Variants in TIAM1 observed in about 807,000 individuals in gnomAD.
TIAM1 encodes the protein TIAM Rac1 associated GEF 1.
In TIAM1, 65 loss-of-function variants were observed where a neutral mutation model predicts 163.5. The observed-to-expected ratio is 0.40, with a 90% CI of 0.33 to 0.49. TIAM1 has a LOEUF of 0.49. TIAM1 is among the 20% of genes least tolerant of loss of function. The probability of loss-of-function intolerance (pLI) is 0.77; values close to 1 mark genes in which losing one functional copy is unlikely to be tolerated. For missense variants in TIAM1, 1,789 were observed against 2,044.7 expected (o/e 0.87, Z 2.41); for synonymous variants, 833 against 810.1 (o/e 1.03, Z -0.48).
At chr21:31,405,089 T>C (rs912068481) in intron 2 of TIAM1, among the ~76,000 whole-genome samples, 1 of 151,364 alleles carries the variant, frequency 6.6e-6, no homozygotes, top group Non-Finnish European at 1.5e-5. Context: ...TACACAGAAA[T>C]AAAAAAATTA....
intron 1 of TIAM1, among the ~76,000 whole-genome samples, chr21:31,547,834 C>G (rs1283037339): frequency 6.6e-6 from 1 of 152,152 alleles, no homozygotes; most frequent in Non-Finnish European, 1.5e-5. Context: ...TTAACCATAA[C>G]AGATTTGAGG....
At chr21:31,380,705 T>C (rs978645304) in intron 2 of TIAM1, among the ~76,000 whole-genome samples, 3 of 152,202 alleles carry the variant, frequency 2.0e-5, no homozygotes, top group African/African-American at 7.2e-5. Context: ...ATTACCACAG[T>C]ATAAAGAAAA....
At chr21:31,442,064 T>TAAAAAAAAAAAAAAAAAAAAAAA (rs1250832519) in intron 2 of TIAM1, among the ~76,000 whole-genome samples, 1 of 84,672 alleles carries the variant, frequency 1.2e-5, no homozygotes, top group African/African-American at 5.1e-5. Flanking sequence ...TCAGAACAAA[T>TAAAAAAAAAAAAAAAAAAAAAAA]AAATAAATAT....
chr21:31,146,905 G>A lies in TIAM1; in HGVS notation c.3465C>T (p.Val1155=). ...CCTCAGAGGCCTTACCTTTCACCAG[G>A]ACCTTGGGAACTTTTGTGTGGCTGG... ...FCASHTKVPK[V]LVKAKTDTAF... Residue 1155 remains valine, a synonymous_variant, in exon 20 of 28, where the codon GTC becomes GTT. Transcript: ENST00000541036. The A allele has an allele frequency of 6.2e-7, 1 of 1,613,874 alleles. No homozygotes were observed. Among genetic ancestry groups the A allele is most frequent in the Non-Finnish European group, 8.5e-7 (1 of 1,179,880 alleles).
At chr21:31,195,095 CA>C in intron 13 of TIAM1, 128 bp downstream of exon 13, 1 of 628,684 alleles carries the variant, frequency 1.6e-6, no homozygotes, top group Non-Finnish European at 2.7e-6. Flanking sequence ...CTGCCCTCCA[CA>C]GAGCAGGAGC....
At chr21:31,380,344 G>A (rs1320851844) in intron 2 of TIAM1, among the ~76,000 whole-genome samples, 1 of 152,178 alleles carries the variant, frequency 6.6e-6, no homozygotes, top group Non-Finnish European at 1.5e-5. Context: ...AGGAGTTCGA[G>A]ACCAGCCTGT....
intron 6 of TIAM1, among the ~76,000 whole-genome samples, chr21:31,236,344 C>T (rs1384604468): frequency 3.9e-5 from 6 of 152,128 alleles, no homozygotes; most frequent in Non-Finnish European, 5.9e-5. Flanking sequence ...ATGCCAAAAT[C>T]AAAGGTAAAT....
intron 22 of TIAM1, among the ~76,000 whole-genome samples, chr21:31,137,049 T>C (rs1474198574): frequency 6.6e-6 from 1 of 152,234 alleles, no homozygotes; most frequent in East Asian, 1.9e-4. Context: ...TGCAGAGCCA[T>C]CTAGACACGA....
At chr21:31,398,852 C>T (rs1602185371) in intron 2 of TIAM1, among the ~76,000 whole-genome samples, 1 of 152,186 alleles carries the variant, frequency 6.6e-6, no homozygotes, top group Non-Finnish European at 1.5e-5. Flanking sequence ...TCTCTTATCA[C>T]CCAGGCTCTG....
In TIAM1 at chr21:31,182,455, G is replaced by C. The variant is rs371588237; in HGVS notation, c.2853C>G (p.Gly951=). The C allele has an allele frequency of 5.0e-6, 8 of 1,598,458 alleles. No homozygotes were observed. The highest frequency in any genetic ancestry group is 6.8e-6 in the Non-Finnish European group (8 of 1,172,816). ...PHRVDGPADL[G]ESPLAFLTSN... is the part of the protein sequence containing the mutation. ...TGGTGAGAAAGGCGAGGGGGCTCTC[G>C]CCAAGGTCGGCAGGGCCGTCCACTC... Residue 951 remains glycine (G), a synonymous_variant, in exon 15 of 28, where the codon GGC becomes GGG. Transcript: ENST00000541036.
rs1421379887 is a variant in TIAM1 at position 31,395,998 on chromosome 21, G to A, written c.-368-56576C>T. On this transcript the variant is annotated intron_variant, in intron 2 of 28. Transcript: ENST00000286827. The surrounding 1 kb of genome is among the most constrained non-coding windows in gnomAD (Gnocchi z 7.5). ...TTTCCTCCGTAATGGCTGTGAAATTGATTGGGATATAGGCTAACAGAGGTC... is the reference window on the plus strand; with the variant it reads ...TTTCCTCCGTAATGGCTGTGAAATTAATTGGGATATAGGCTAACAGAGGTC... 6.6e-6 allele frequency among the ~76,000 whole-genome samples: 1 copy of A among 152,196 alleles called. No individual in the cohort carries two copies. The highest frequency in any genetic ancestry group is 1.5e-5 in the Non-Finnish European group (1 of 68,046).
intron 20 of TIAM1, among the ~76,000 whole-genome samples, chr21:31,146,067 C>G (rs1178756743): frequency 6.6e-6 from 1 of 152,146 alleles, no homozygotes; most frequent in African/African-American, 2.4e-5. Flanking sequence ...AAACCCCCTA[C>G]GTTTTTACAT....
chr21:31,266,123 T>C lies in TIAM1; in HGVS notation c.850A>G (p.Ser284Gly), dbSNP rs1043893864. The change falls in exon 4 of 28, where the codon AGT (serine) becomes GGT (glycine). Residue 284 changes from serine (S) to glycine (G), a missense_variant. This residue lies in a region of TIAM1 where 555 missense variants were observed against 564.9 expected (regional missense o/e 0.98). Transcript: ENST00000541036. ...CTACAGGGAAGTGTGTTATAATTAC[T>C]GTACGGAGGAGTCTCTTCAGCAGCA... ...PAAAEETPPY[S>G]NYNTLPCRKS... 3 of 1,614,202 alleles carry C rather than the reference T, an allele frequency of 1.9e-6. No homozygotes were observed. Among genetic ancestry groups the C allele is most frequent in the South Asian group, 1.1e-5 (1 of 91,086 alleles).
chr21:31,257,758 T>C (rs561334797), intron 4 of TIAM1, among the ~76,000 whole-genome samples: 1 of 152,168 alleles, frequency 6.6e-6, no homozygotes, highest in South Asian at 2.1e-4. Flanking sequence ...ACTAGTGAAA[T>C]TGAAGAACTC....
intron 2 of TIAM1, among the ~76,000 whole-genome samples, chr21:31,290,640 C>CT (rs373243215): frequency 0.014 from 1,316 of 95,348 alleles, 27 homozygotes; most frequent in African/African-American, 0.056. Flanking sequence ...GAGCAAGACT[C>CT]TATCTCAAAA....
rs1244716932 is a variant in TIAM1 at position 31,164,988 on chromosome 21, A to G, written c.2965T>C (p.Ser989Pro). The G allele has an allele frequency of 1.9e-6, 3 of 1,614,060 alleles. No individual in the cohort carries two copies. Among genetic ancestry groups the G allele is most frequent in the Non-Finnish European group, 1.7e-6 (2 of 1,180,050 alleles). ...EETEGPDLES[S>P]DETDHSSKST... is the part of the protein sequence containing the mutation. ...TTGCTGCTGTGATCAGTCTCATCTG[A>G]GGATTCCAAGTCTGGCCCCTCGGTC... Residue 989 changes from serine (S) to proline (P), a missense_variant, in exon 16 of 28, where the codon TCA (serine) becomes CCA (proline). Physicochemically the swap from Ser to Pro is moderately conservative, Grantham distance 74. Around this residue, in one of 5 missense-constraint regions of TIAM1, gnomAD observed 303 missense variants for 321.3 expected, o/e 0.94. Transcript: ENST00000541036.
intron 1 of TIAM1, among the ~76,000 whole-genome samples, chr21:31,497,627 G>A (rs2046709110): frequency 6.6e-6 from 1 of 152,110 alleles, no homozygotes; most frequent in African/African-American, 2.4e-5. Flanking sequence ...TGAACCTTGT[G>A]AACATATTGT....
At chr21:31,253,517 G>A (rs540707105) in intron 4 of TIAM1, among the ~76,000 whole-genome samples, 1 of 152,272 alleles carries the variant, frequency 6.6e-6, no homozygotes, top group Non-Finnish European at 1.5e-5. Context: ...TTAGTTCTAA[G>A]AATTGCTCAA....
rs185597682 is a variant in TIAM1 at position 31,505,368 on chromosome 21, G to A, written c.-421-41333C>T. 2.6e-5 allele frequency among the ~76,000 whole-genome samples: 4 copies of A among 152,232 alleles called. No homozygotes were observed. In the East Asian group the frequency reaches 7.7e-4, roughly 29 times the overall value. Reference sequence around the variant, plus strand: ...GTATAAATGTTAAAAGATATGAAAGGTCAAGGAAATTTTAAAACTAGAAGA... The same window carrying A: ...GTATAAATGTTAAAAGATATGAAAGATCAAGGAAATTTTAAAACTAGAAGA... On this transcript the variant is annotated intron_variant, in intron 1 of 28. Coordinates refer to the TIAM1 transcript ENST00000286827.
Sources: allele counts gnomAD v4.1 joint callset (sites outside exome capture counted in the v4.1 genomes callset), GRCh38; gene constraint gnomAD v4.1.1; regional missense constraint gnomAD v4.1.1; non-coding constraint Gnocchi (gnomAD v3.1); transcripts MANE v1.5; gene names NCBI Gene and HGNC (gene_info 2026-07-23, HGNC 2026-07-21).